Variants in RNF2 observed in about 807,000 individuals in gnomAD.
The protein encoded by RNF2 is E3 ubiquitin-protein ligase RING2.
Under a neutral mutation model 37.2 loss-of-function variants are expected in RNF2, and 6 were observed. That is an observed-to-expected ratio of 0.16 (90% CI 0.09 to 0.32). The LOEUF is 0.32. RNF2 is among the 10% of genes least tolerant of loss of function. RNF2 has a pLI of 1.00. For missense variants in RNF2, 251 were observed against 404.0 expected, an observed-to-expected ratio of 0.62 and a Z score of 3.25; for synonymous variants, 133 against 132.7, an observed-to-expected ratio of 1.00 and a Z score of -0.02.
At chr1:185,076,596 G>T (rs552002468) in intron 1 of RNF2, among the ~76,000 whole-genome samples, 15 of 142,910 alleles carry the variant, frequency 1.0e-4, no homozygotes, top group South Asian at 4.4e-4. Flanking sequence ...TTATTTTATG[G>T]TTTTTTTTTT....
At chr1:185,097,832 G>A (rs1425638929) in intron 4 of RNF2, among the ~76,000 whole-genome samples, 1 of 152,232 alleles carries the variant, frequency 6.6e-6, no homozygotes, top group African/African-American at 2.4e-5. Flanking sequence ...ACCGTGCCTG[G>A]CCAGTAAAAT....
At chr1:185,051,274 G>T (rs879704289) in intron 1 of RNF2, among the ~76,000 whole-genome samples, 1 of 152,176 alleles carries the variant, frequency 6.6e-6, no homozygotes, top group Admixed American at 6.6e-5. Flanking sequence ...TTTCTAGAAG[G>T]CTTTACTGTA....
chr1:185,069,422 A>G (rs1205105756), intron 1 of RNF2, among the ~76,000 whole-genome samples: 5 of 151,236 alleles, frequency 3.3e-5, no homozygotes, highest in African/African-American at 7.3e-5. Flanking sequence ...GCATCACTGC[A>G]CTTCAGCCAG....
chr1:185,052,034 A>G (rs1209051482), intron 1 of RNF2, among the ~76,000 whole-genome samples: 1 of 151,816 alleles, frequency 6.6e-6, no homozygotes, highest in Admixed American at 6.6e-5. Context: ...GGAAAGTTTC[A>G]GTGTTAGCCT....
intron 3 of RNF2, among the ~76,000 whole-genome samples, chr1:185,092,424 C>T (rs1006084464): frequency 9.9e-5 from 15 of 152,208 alleles, no homozygotes; most frequent in Non-Finnish European, 7.3e-5. Flanking sequence ...ATCCACCCGC[C>T]TCGGCCTCCC....
intron 1 of RNF2, among the ~76,000 whole-genome samples, chr1:185,085,304 G>A (rs917954776): frequency 2.0e-5 from 3 of 151,168 alleles, no homozygotes; most frequent in African/African-American, 2.4e-5. Context: ...GCCCGCCACC[G>A]TGCCCAGCTA....
chr1:185,052,295 T>C (rs537976621), intron 1 of RNF2, among the ~76,000 whole-genome samples: 1 of 152,276 alleles, frequency 6.6e-6, no homozygotes, highest in South Asian at 2.1e-4. Flanking sequence ...CTATTCATGA[T>C]ACCCAAAAAA....
rs181445322 is a variant in RNF2 at position 185,099,871 on chromosome 1, G to A, written c.818G>A (p.Arg273Gln). Reference sequence around the variant, plus strand: ...GTGAGGTTAGCTTTAGAAGAACTTCGAAGCAAAGGTGAATCAAACCAGATG... The same window carrying A: ...GTGAGGTTAGCTTTAGAAGAACTTCAAAGCAAAGGTGAATCAAACCAGATG... Reference protein sequence around the residue: ...LAVRLALEELRSKGESNQMNL... With the variant: ...LAVRLALEELQSKGESNQMNL... Residue 273 changes from arginine to glutamine, a missense_variant, in exon 6 of 7, where the codon CGA becomes CAA. Physicochemically the swap from Arg to Gln is conservative, Grantham distance 43. This residue lies in a region of RNF2 where 16 missense variants were observed against 47.7 expected (regional missense o/e 0.34). Coordinates refer to ENST00000367510, the MANE Select transcript of RNF2 (RefSeq NM_007212.4). 6.2e-6 allele frequency: 10 copies of A among 1,613,988 alleles called. No homozygotes were observed. The highest frequency in any genetic ancestry group is 2.2e-5 in the South Asian group (2 of 91,070).
chr1:185,059,315 A>G (rs958323081), intron 1 of RNF2, among the ~76,000 whole-genome samples: 1 of 151,938 alleles, frequency 6.6e-6, no homozygotes, highest in Admixed American at 6.6e-5. Flanking sequence ...CAGGAAACAC[A>G]TTCTTTGCTT....
intron 1 of RNF2, among the ~76,000 whole-genome samples, chr1:185,053,988 TC>T (rs1362886112): frequency 6.6e-6 from 1 of 152,182 alleles, no homozygotes; most frequent in East Asian, 1.9e-4. Flanking sequence ...TTCCTGTTAA[TC>T]TACATTCCCC....
intron 1 of RNF2, among the ~76,000 whole-genome samples, chr1:185,054,743 G>A (rs577350915): frequency 3.0e-4 from 45 of 152,256 alleles, no homozygotes; most frequent in African/African-American, 1.0e-3. Context: ...TTTCGCCGGG[G>A]TTGGAGTGCA....
chr1:185,064,664 C>T (rs191112709), intron 1 of RNF2, among the ~76,000 whole-genome samples: 20 of 150,814 alleles, frequency 1.3e-4, no homozygotes, highest in Non-Finnish European at 1.6e-4. Context: ...TGTAGGTCAA[C>T]GAGCATCTTT....
intron 1 of RNF2, among the ~76,000 whole-genome samples, chr1:185,073,954 C>T (rs1389776115): frequency 2.6e-5 from 4 of 152,226 alleles, no homozygotes; most frequent in Non-Finnish European, 4.4e-5. Context: ...GCCTCCACTT[C>T]AGATGCCATT....
intron 1 of RNF2, among the ~76,000 whole-genome samples, chr1:185,085,224 C>T (rs1319738845): frequency 7.0e-6 from 1 of 143,526 alleles, no homozygotes; most frequent in Non-Finnish European, 1.5e-5. Flanking sequence ...TCTTAGCTCA[C>T]TGCAAGCTCC....
intron 1 of RNF2, chr1:185,046,042 A>T (rs1650107282): frequency 6.6e-6 from 1 of 151,518 alleles, no homozygotes; most frequent in African/African-American, 2.4e-5. Context: ...CCTACTCCGG[A>T]GGCGGACGGA....
chr1:185,100,349 T>C lies in RNF2; in HGVS notation c.*48T>C. ...ACTGAACTTTTTTATAGCCTATTTCTTTAATATTAAAGATGTACTGGCATT... is the reference window on the plus strand; with the variant it reads ...ACTGAACTTTTTTATAGCCTATTTCCTTAATATTAAAGATGTACTGGCATT... On this transcript the variant is annotated 3_prime_UTR_variant, in exon 7 of 7. Coordinates refer to ENST00000367510, the MANE Select transcript of RNF2 (RefSeq NM_007212.4). The C allele has an allele frequency of 8.0e-7, 1 of 1,253,990 alleles. No homozygotes were observed. Among genetic ancestry groups the C allele is most frequent in the Non-Finnish European group, 1.1e-6 (1 of 876,364 alleles). 77.7% of individuals were successfully genotyped at this position (1,253,990 alleles called of 1,614,324 possible). A position where few individuals can be genotyped will look rare whatever the true frequency, so the allele number is the denominator to read the frequency against.
intron 1 of RNF2, among the ~76,000 whole-genome samples, chr1:185,072,555 A>G (rs557303826): frequency 6.6e-5 from 10 of 152,024 alleles, no homozygotes; most frequent in Non-Finnish European, 1.2e-4. Context: ...TCTTGGGGGG[A>G]AGAAATCATT....
At chr1:185,077,625 G>GTTTTTTTTTTTTTTTTTTTTT (rs528747420) in intron 1 of RNF2, among the ~76,000 whole-genome samples, 21 of 115,670 alleles carry the variant, frequency 1.8e-4, no homozygotes, top group African/African-American at 6.2e-4. Flanking sequence ...AATTAACTTT[G>GTTTTTTTTTTTTTTTTTTTTT]TTTTTTTTTT....
At chr1:185,087,021 T>G (rs1651620084) in intron 1 of RNF2, among the ~76,000 whole-genome samples, 1 of 152,252 alleles carries the variant, frequency 6.6e-6, no homozygotes, top group African/African-American at 2.4e-5. Context: ...AGGCTTTTAC[T>G]GTCAAGTAGT....
Sources: allele counts gnomAD v4.1 joint callset (sites outside exome capture counted in the v4.1 genomes callset), GRCh38; gene constraint gnomAD v4.1.1; regional missense constraint gnomAD v4.1.1; transcripts MANE v1.5; gene names NCBI Gene and HGNC (gene_info 2026-07-23, HGNC 2026-07-21).